Variants in DPY19L1 observed in about 807,000 individuals in gnomAD.
DPY19L1 encodes protein C-mannosyl-transferase DPY19L1.
Under a neutral mutation model 96.9 loss-of-function variants are expected in DPY19L1, and 35 were observed. The observed-to-expected ratio is 0.36, with a 90% CI of 0.28 to 0.48. The LOEUF is 0.48. Ranked by LOEUF, DPY19L1 falls within the 20% of genes least tolerant of loss-of-function variation. The probability of loss-of-function intolerance (pLI) is 0.99; values close to 1 mark genes in which losing one functional copy is unlikely to be tolerated. For synonymous variants in DPY19L1, 205 were observed against 252.6 expected, an observed-to-expected ratio of 0.81 and a Z score of 1.79; for missense variants, 521 against 777.9, an observed-to-expected ratio of 0.67 and a Z score of 3.93.
intron 21 of DPY19L1, among the ~76,000 whole-genome samples, chr7:34,933,786 G>A (rs924578888): frequency 4.6e-5 from 7 of 152,140 alleles, no homozygotes; most frequent in Non-Finnish European, 7.3e-5. Context: ...GGTTTGCCAG[G>A]GGACCTTGGG....
At chr7:35,007,588 G>GGTGTGT (rs71551083) in intron 6 of DPY19L1, among the ~76,000 whole-genome samples, 8 of 150,392 alleles carry the variant, frequency 5.3e-5, no homozygotes, top group African/African-American at 2.0e-4. Context: ...ACACACGTGT[G>GGTGTGT]GTGTGTGTGT....
chr7:34,984,347 C>T (rs181625776), intron 7 of DPY19L1, among the ~76,000 whole-genome samples: 1 of 151,904 alleles, frequency 6.6e-6, no homozygotes, highest in African/African-American at 2.4e-5. Flanking sequence ...GAGGCATATA[C>T]AAAGCATAGG....
At chr7:35,036,033 T>C (rs1370660626) in intron 1 of DPY19L1, among the ~76,000 whole-genome samples, 1 of 152,118 alleles carries the variant, frequency 6.6e-6, no homozygotes, top group African/African-American at 2.4e-5. Context: ...GGAACAACCT[T>C]CTTGAGCCCA....
At chr7:35,010,802 G>A (rs191025631) in intron 5 of DPY19L1, among the ~76,000 whole-genome samples, 415 of 150,026 alleles carry the variant, frequency 2.8e-3, no homozygotes, top group African/African-American at 9.8e-3. Context: ...TGGAGGTATG[G>A]GGTCTATAGC....
At chr7:35,017,800 T>G in intron 3 of DPY19L1, 82 bp downstream of exon 3, 2 of 1,116,960 alleles carry the variant, frequency 1.8e-6, no homozygotes, top group Non-Finnish European at 2.5e-6. Context: ...CTTTGGAACA[T>G]CTTGAAATTT....
intron 11 of DPY19L1, 53 bp downstream of exon 11, chr7:34,957,931 T>A: frequency 8.2e-7 from 1 of 1,220,824 alleles, no homozygotes; most frequent in Middle Eastern, 1.9e-4. Flanking sequence ...GAAGAAAAAA[T>A]TGTTAAACCA....
intron 10 of DPY19L1, among the ~76,000 whole-genome samples, chr7:34,964,867 T>C (rs1784577370): frequency 6.6e-6 from 1 of 152,000 alleles, no homozygotes; most frequent in Non-Finnish European, 1.5e-5. Flanking sequence ...TGGTAAAAGA[T>C]CTGAATAGGA....
Position 34,928,898 on chromosome 7 carries a change from TTTTAA to T in DPY19L1, c.*2670_*2674del, listed in dbSNP as rs1269327960. On this transcript the variant is annotated 3_prime_UTR_variant, in exon 22 of 22. Coordinates refer to ENST00000638088, the MANE Select transcript of DPY19L1 (RefSeq NM_001366673.1). ...CACTTCCCTCATTACTCATGATTTT[TTTTAA>T]TTTAACATATATAGTACATGTAAAC... 1 of 152,352 alleles carries T rather than the reference TTTTAA, an allele frequency of 6.6e-6. No homozygotes were observed. Among genetic ancestry groups the T allele is most frequent in the East Asian group, 1.9e-4 (1 of 5,188 alleles). 9.4% of individuals were successfully genotyped at this position (152,352 alleles called of 1,614,324 possible).
intron 21 of DPY19L1, among the ~76,000 whole-genome samples, chr7:34,931,984 G>C (rs1783761974): frequency 6.6e-6 from 1 of 152,200 alleles, no homozygotes; most frequent in Admixed American, 6.5e-5. Context: ...GTTGCGGAAA[G>C]AGACACCTCA....
intron 19 of DPY19L1, 59 bp from the exon 20 acceptor site, chr7:34,939,434 T>C: frequency 2.8e-6 from 4 of 1,440,324 alleles, no homozygotes; most frequent in Admixed American, 1.7e-5. Flanking sequence ...AGGTGTCTCC[T>C]TCAAGTGTAA....
intron 8 of DPY19L1, among the ~76,000 whole-genome samples, chr7:34,970,613 A>G (rs13311873): frequency 6.6e-6 from 1 of 152,174 alleles, no homozygotes; most frequent in Non-Finnish European, 1.5e-5. Flanking sequence ...GAAAGCCACT[A>G]TCTAAAATAA....
chr7:35,031,789 TAATAA>T (rs1408795493), intron 1 of DPY19L1, among the ~76,000 whole-genome samples: 1 of 152,202 alleles, frequency 6.6e-6, no homozygotes, highest in African/African-American at 2.4e-5. Context: ...TATCTGTTAA[TAATAA>T]AATATGTTTA....
chr7:34,967,259 A>C (rs186797360), intron 9 of DPY19L1, among the ~76,000 whole-genome samples: 9 of 152,332 alleles, frequency 5.9e-5, no homozygotes, highest in Admixed American at 3.9e-4. Context: ...TACTGTCAAC[A>C]TGTACAATTA....
In DPY19L1 at chr7:35,037,314, C is replaced by T. The variant is rs1445467381; in HGVS notation, c.81G>A (p.Leu27=). ...CGGCGCCGACGTCCGACGCCCCCCT[C>T]AGCGGCGACTGTGAGGCGCGGGGTG... is the stretch of plus-strand genomic sequence containing the variant. The part of the protein sequence containing the change: ...PQPPRASQSP[L]RGASDVGAGE... The change falls in exon 1 of 22, where the codon CTG becomes CTA. Residue 27 remains leucine (L), a synonymous_variant. Transcript: ENST00000638088. 4.5e-5 allele frequency: 16 copies of T among 352,122 alleles called. No homozygotes were observed. Among genetic ancestry groups the T allele is most frequent in the Non-Finnish European group, 5.1e-6 (1 of 196,470 alleles). 21.8% of individuals were successfully genotyped at this position (352,122 alleles called of 1,614,324 possible).
chr7:35,021,046 T>C (rs1785983931), intron 1 of DPY19L1, among the ~76,000 whole-genome samples: 1 of 152,232 alleles, frequency 6.6e-6, no homozygotes. Flanking sequence ...TTACATATAA[T>C]AATTTTGTTC....
At chr7:34,995,736 T>C (rs1395660268) in intron 6 of DPY19L1, among the ~76,000 whole-genome samples, 1 of 152,220 alleles carries the variant, frequency 6.6e-6, no homozygotes, top group Non-Finnish European at 1.5e-5. Context: ...CTTACGATTT[T>C]CTTATTGTAT....
In DPY19L1 at chr7:35,017,795, G is replaced by A. The variant is rs183020221; in HGVS notation, c.411+87C>T. ...TGGAGCATCTACTCTTTCTACTTTG[G>A]AACATCTTGAAATTTTCCATAATAA... On this transcript the variant is annotated intron_variant, in intron 3 of 21. Transcript: ENST00000638088. The A allele has an allele frequency of 9.0e-4, 958 of 1,066,578 alleles. 3 individuals carry two copies. The African/African-American group carries it at 0.014, about 16-fold the overall frequency. The allele number at this position is 1,066,578 out of a possible 1,614,324, so 66.1% of individuals were successfully genotyped here. A position where few individuals can be genotyped will look rare whatever the true frequency, so the allele number is the denominator to read the frequency against.
At chr7:35,031,217 T>G (rs1345147620) in intron 1 of DPY19L1, among the ~76,000 whole-genome samples, 1 of 152,170 alleles carries the variant, frequency 6.6e-6, no homozygotes, top group African/African-American at 2.4e-5. Context: ...TTGAAAATAG[T>G]AGGCGGAAAA....
Position 34,942,625 on chromosome 7 carries a change from T to C in DPY19L1, c.1559A>G (p.Asp520Gly). Residue 520 changes from aspartate to glycine, a missense_variant, in exon 17 of 22, where the codon GAT becomes GGT. By Grantham distance (94) the Asp-to-Gly change is moderately conservative. Transcript: ENST00000638088. ...ATATTAAGTCTTTACCTCTCCATGA[T>C]CAAACTGGTGTTTTCTGGAACAGAA... ...QQTHVRKHQF[D>G]HGELVYHALQ... is the part of the protein sequence containing the mutation. The C allele has an allele frequency of 6.3e-7, 1 of 1,593,986 alleles. No homozygotes were observed. The highest frequency in any genetic ancestry group is 8.5e-7 in the Non-Finnish European group (1 of 1,171,318).
Sources: gnomAD v4.1 joint callset for allele counts (sites outside exome capture counted in the v4.1 genomes callset) on GRCh38, gnomAD v4.1.1 for gene constraint, MANE v1.5 for transcripts, NCBI Gene and HGNC (gene_info 2026-07-23, HGNC 2026-07-21) for gene names.